Variants in NCAM2 observed in about 807,000 individuals in gnomAD.
NCAM2 encodes neural cell adhesion molecule 2.
NCAM2 carries 30 observed loss-of-function variants against 98.1 expected under a neutral mutation model. The ratio of observed to expected loss-of-function variants is 0.31; its 90% CI spans 0.23 to 0.41. The LOEUF is 0.41. Among genes scored for constraint, NCAM2 ranks in the 10% least tolerant of loss-of-function variants. The probability of loss-of-function intolerance (pLI) is 1.00; values close to 1 mark genes in which losing one functional copy is unlikely to be tolerated. For synonymous variants in NCAM2, 368 were observed against 342.4 expected (o/e 1.07, Z -0.83); for missense variants, 867 against 1,005.8 (o/e 0.86, Z 1.87).
At chr21:21,107,779 CTGTT>C (rs2066378414) in intron 1 of NCAM2, among the ~76,000 whole-genome samples, 2 of 152,054 alleles carry the variant, frequency 1.3e-5, no homozygotes, top group African/African-American at 4.8e-5. Context: ...TGATTCTTAT[CTGTT>C]TGACACTACC....
chr21:21,463,817 C>T (rs1983316758), intron 12 of NCAM2: 1 of 151,700 alleles, frequency 6.6e-6, no homozygotes, highest in Non-Finnish European at 1.5e-5. Context: ...GAGCTTTTGC[C>T]TGAAATACTC....
intron 8 of NCAM2, among the ~76,000 whole-genome samples, chr21:21,359,156 T>G (rs571945376): frequency 7.2e-5 from 11 of 152,118 alleles, no homozygotes; most frequent in African/African-American, 2.6e-4. Context: ...TCTGAAGGAT[T>G]TTTTATTTGA....
At chr21:21,301,676 G>A (rs969636402) in intron 5 of NCAM2, among the ~76,000 whole-genome samples, 5 of 147,732 alleles carry the variant, frequency 3.4e-5, no homozygotes, top group East Asian at 2.0e-4. Flanking sequence ...GAGAATGATG[G>A]TTTCCAATTT....
intron 1 of NCAM2, among the ~76,000 whole-genome samples, chr21:21,079,035 G>T (rs2065738636): frequency 6.6e-6 from 1 of 152,130 alleles, no homozygotes; most frequent in Non-Finnish European, 1.5e-5. Context: ...GGGCCTGTTG[G>T]TGATGGGGGT....
chr21:21,445,105 A>G (rs573111662), intron 12 of NCAM2, among the ~76,000 whole-genome samples: 14 of 152,250 alleles, frequency 9.2e-5, no homozygotes, highest in Admixed American at 7.2e-4. Flanking sequence ...GGAGTCATTC[A>G]GGAGCAGATT....
intron 9 of NCAM2, among the ~76,000 whole-genome samples, chr21:21,375,938 G>A (rs571368846): frequency 6.6e-6 from 1 of 151,866 alleles, no homozygotes; most frequent in East Asian, 1.9e-4. Context: ...CTAAATGTCT[G>A]TTGCAGGTCC....
chr21:21,323,696 G>A (rs1411935242), intron 5 of NCAM2, among the ~76,000 whole-genome samples: 1 of 152,142 alleles, frequency 6.6e-6, no homozygotes, highest in Admixed American at 6.5e-5. Context: ...TTTTTGCAAT[G>A]TAATTAGTTA....
intron 1 of NCAM2, among the ~76,000 whole-genome samples, chr21:21,185,571 A>T (rs751252675): frequency 6.6e-6 from 1 of 152,198 alleles, no homozygotes; most frequent in Non-Finnish European, 1.5e-5. Context: ...AAAGTCAGCC[A>T]TACGATCACT....
intron 1 of NCAM2, among the ~76,000 whole-genome samples, chr21:21,084,863 G>A (rs1045173556): frequency 3.9e-5 from 6 of 152,138 alleles, no homozygotes; most frequent in Non-Finnish European, 8.8e-5. Context: ...AGGGCTTATA[G>A]TAAAAATAGT....
intron 1 of NCAM2, among the ~76,000 whole-genome samples, chr21:21,235,000 T>G (rs978879525): frequency 2.0e-5 from 3 of 152,098 alleles, no homozygotes; most frequent in Non-Finnish European, 1.5e-5. Flanking sequence ...TTTGCAGTTT[T>G]AAAAGTGAAA....
At chr21:21,480,745 C>T (rs542604504) in intron 15 of NCAM2, among the ~76,000 whole-genome samples, 14 of 152,168 alleles carry the variant, frequency 9.2e-5, no homozygotes, top group East Asian at 1.9e-4. Flanking sequence ...GGATGAACAG[C>T]GGTAGAAAAA....
chr21:21,025,272 A>T (rs2064521516), intron 1 of NCAM2, among the ~76,000 whole-genome samples: 2 of 151,984 alleles, frequency 1.3e-5, no homozygotes, highest in Non-Finnish European at 2.9e-5. Flanking sequence ...TTTTTAGTAG[A>T]GACGGGGTTT....
At chr21:21,317,888 G>A (rs2074266441) in intron 5 of NCAM2, among the ~76,000 whole-genome samples, 2 of 152,018 alleles carry the variant, frequency 1.3e-5, no homozygotes, top group African/African-American at 2.4e-5. Flanking sequence ...TGTACCCCAG[G>A]TGGTCCCAAA....
chr21:21,041,683 A>C (rs1415939641), intron 1 of NCAM2, among the ~76,000 whole-genome samples: 1 of 152,194 alleles, frequency 6.6e-6, no homozygotes, highest in African/African-American at 2.4e-5. Flanking sequence ...GATGCAGCAA[A>C]TTGTAGATTT....
intron 1 of NCAM2, among the ~76,000 whole-genome samples, chr21:21,109,866 A>C (rs1343226287): frequency 1.3e-5 from 2 of 152,226 alleles, no homozygotes; most frequent in African/African-American, 4.8e-5. Context: ...TTAACAGAAA[A>C]TGCCAGTCAT....
intron 1 of NCAM2, among the ~76,000 whole-genome samples, chr21:21,076,987 T>C (rs1016928171): frequency 2.0e-5 from 3 of 152,038 alleles, no homozygotes; most frequent in African/African-American, 7.2e-5. Flanking sequence ...ATTATCAGAG[T>C]TTGGTCATAA....
At chr21:21,097,600 A>G (rs552816338) in intron 1 of NCAM2, among the ~76,000 whole-genome samples, 10 of 151,744 alleles carry the variant, frequency 6.6e-5, no homozygotes, top group African/African-American at 2.4e-4. Flanking sequence ...TACACTGCAC[A>G]AACTTGTATA....
chr21:21,039,759 T>C (rs2064867332), intron 1 of NCAM2, among the ~76,000 whole-genome samples: 1 of 152,198 alleles, frequency 6.6e-6, no homozygotes, highest in Non-Finnish European at 1.5e-5. Context: ...TGCAAATCAC[T>C]GAAGTTGCCG....
chr21:21,350,259 A>G (rs983392593), intron 8 of NCAM2, among the ~76,000 whole-genome samples: 2 of 152,166 alleles, frequency 1.3e-5, no homozygotes, highest in African/African-American at 4.8e-5. Flanking sequence ...ACTTAACACT[A>G]TTCTCACTGT....
Sources: allele counts gnomAD v4.1 joint callset (sites outside exome capture counted in the v4.1 genomes callset), GRCh38; gene constraint gnomAD v4.1.1; transcripts MANE v1.5; gene names NCBI Gene and HGNC (gene_info 2026-07-23, HGNC 2026-07-21).